Variants in RBFOX1 observed in about 807,000 individuals in gnomAD.
RBFOX1 encodes RNA binding fox-1 homolog 1.
In RBFOX1, 8 loss-of-function variants were observed where a neutral mutation model predicts 57.7. That is an observed-to-expected ratio of 0.14 (90% confidence interval 0.08 to 0.25). The LOEUF is 0.25. Ranked by LOEUF, RBFOX1 falls within the 10% of genes least tolerant of loss-of-function variation. The pLI is 1.00. For synonymous variants in RBFOX1, 326 were observed against 222.4 expected, an observed-to-expected ratio of 1.47 and a Z score of -4.15; for missense variants, 611 against 548.5, an observed-to-expected ratio of 1.11 and a Z score of -1.14.
chr16:7,071,212 A>G (rs1175161933), intron 4 of RBFOX1, among the ~76,000 whole-genome samples: 1 of 152,182 alleles, frequency 6.6e-6, no homozygotes, highest in East Asian at 1.9e-4. Flanking sequence ...AGATTATTCT[A>G]AAAGCTTTTA....
chr16:7,130,066 T>A (rs948561400), intron 4 of RBFOX1, among the ~76,000 whole-genome samples: 1 of 148,148 alleles, frequency 6.8e-6, no homozygotes, highest in African/African-American at 2.5e-5. Context: ...AGAGCCTAGC[T>A]CTGTCGCCCA....
upstream of RBFOX1, among the ~76,000 whole-genome samples, chr16:6,015,901 T>C (rs575586941): frequency 6.6e-6 from 1 of 152,330 alleles, no homozygotes; most frequent in Admixed American, 6.5e-5. Context: ...AGTGCAGAAA[T>C]TGAGTCTAGT....
intron 2 of RBFOX1, among the ~76,000 whole-genome samples, chr16:6,330,388 A>T (rs1334545596): frequency 6.6e-6 from 1 of 152,226 alleles, no homozygotes; most frequent in East Asian, 1.9e-4. Context: ...CAGCTCTCGT[A>T]GTACTGAGCT....
intron 4 of RBFOX1, among the ~76,000 whole-genome samples, chr16:7,146,507 C>G (rs755471013): frequency 6.6e-6 from 1 of 152,144 alleles, no homozygotes; most frequent in Middle Eastern, 3.2e-3. Context: ...CTAGAGAGAG[C>G]TAGGATGCAT....
chr16:5,713,179 C>G (rs1207896060), intron 3 of RBFOX1, among the ~76,000 whole-genome samples: 2 of 152,174 alleles, frequency 1.3e-5, no homozygotes, highest in East Asian at 1.9e-4. Flanking sequence ...ATCATACTGT[C>G]TTTTTATTTG....
chr16:7,558,922 C>G (rs959200550), intron 5 of RBFOX1, among the ~76,000 whole-genome samples: 1 of 152,188 alleles, frequency 6.6e-6, no homozygotes, highest in Non-Finnish European at 1.5e-5. Context: ...GGCATTTATG[C>G]TAAATGAACC....
chr16:6,253,612 TG>T (rs879748822), intron 1 of RBFOX1, among the ~76,000 whole-genome samples: 86,094 of 151,340 alleles, frequency 0.57, 26,813 homozygotes, highest in East Asian at 0.81. Context: ...GATGGATAGA[TG>T]GATGGATGGA....
intron 3 of RBFOX1, among the ~76,000 whole-genome samples, chr16:6,862,343 G>A (rs915269269): frequency 6.6e-6 from 1 of 152,162 alleles, no homozygotes; most frequent in Non-Finnish European, 1.5e-5. Context: ...GATCGTGCAG[G>A]TTCCTGGAAG....
At chr16:6,412,929 C>G (rs1236602963) in intron 2 of RBFOX1, among the ~76,000 whole-genome samples, 1 of 152,190 alleles carries the variant, frequency 6.6e-6, no homozygotes. Flanking sequence ...CTTTCAAAAA[C>G]TGATAATTTT....
intron 10 of RBFOX1, among the ~76,000 whole-genome samples, chr16:7,618,690 G>A (rs2058845628): frequency 6.6e-6 from 1 of 152,066 alleles, no homozygotes; most frequent in South Asian, 2.1e-4. Flanking sequence ...TCACCCAATA[G>A]TGTTTAATAC....
intron 3 of RBFOX1, among the ~76,000 whole-genome samples, chr16:6,749,923 G>C (rs1432125676): frequency 1.3e-5 from 2 of 152,184 alleles, no homozygotes. Flanking sequence ...TAAGGGCCAA[G>C]CTGACTGTGT....
At chr16:6,710,006 A>C (rs2063446460) in intron 3 of RBFOX1, among the ~76,000 whole-genome samples, 1 of 152,180 alleles carries the variant, frequency 6.6e-6, no homozygotes, top group African/African-American at 2.4e-5. Flanking sequence ...AGATACAGGT[A>C]ACCTACTGAT....
At chr16:5,634,288 A>G (rs1456518658) in intron 3 of RBFOX1, among the ~76,000 whole-genome samples, 1 of 152,210 alleles carries the variant, frequency 6.6e-6, no homozygotes, top group Non-Finnish European at 1.5e-5. Flanking sequence ...TCATTTGACT[A>G]TTTATTTTCA....
intron 2 of RBFOX1, among the ~76,000 whole-genome samples, chr16:6,578,866 A>G (rs949756840): frequency 5.3e-5 from 8 of 151,976 alleles, no homozygotes; most frequent in Non-Finnish European, 1.0e-4. Context: ...GAATGATACA[A>G]TGGACTTTGG....
chr16:6,806,107 C>G (rs1046453818), intron 3 of RBFOX1, among the ~76,000 whole-genome samples: 6 of 151,946 alleles, frequency 3.9e-5, no homozygotes, highest in Admixed American at 2.6e-4. Flanking sequence ...CATCCAAGAA[C>G]CAGTTTGAAT....
intron 3 of RBFOX1, among the ~76,000 whole-genome samples, chr16:6,909,169 C>A (rs959961173): frequency 6.6e-6 from 1 of 152,182 alleles, no homozygotes; most frequent in East Asian, 1.9e-4. Context: ...TGCATTTCTT[C>A]TGGAGGTTCT....
At chr16:6,311,254 C>G (rs1008519691) in intron 1 of RBFOX1, among the ~76,000 whole-genome samples, 1 of 141,238 alleles carries the variant, frequency 7.1e-6, no homozygotes, top group African/African-American at 2.7e-5. Context: ...TGAGATCGTG[C>G]CACCGTACTC....
chr16:5,339,470 G>GTTTTTGTTTTTTTTTT (rs2064982729), intron 1 of RBFOX1, among the ~76,000 whole-genome samples: 1 of 40,854 alleles, frequency 2.4e-5, no homozygotes, highest in Non-Finnish European at 4.5e-5. Flanking sequence ...CTTTTTCCGT[G>GTTTTTGTTTTTTTTTT]TTTTTTTTTT....
At chr16:6,844,508 T>A (rs775947889) in intron 3 of RBFOX1, among the ~76,000 whole-genome samples, 2 of 152,206 alleles carry the variant, frequency 1.3e-5, no homozygotes, top group African/African-American at 2.4e-5. Context: ...GCAGAAGATA[T>A]GACCTTATTC....
Sources: gnomAD v4.1 joint callset for allele counts (sites outside exome capture counted in the v4.1 genomes callset) on GRCh38, gnomAD v4.1.1 for gene constraint, MANE v1.5 for transcripts, NCBI Gene and HGNC (gene_info 2026-07-23, HGNC 2026-07-21) for gene names.